TBC1D1: variants seen among roughly 807,000 people sequenced by gnomAD.
TBC1D1 encodes TBC1 domain family member 1, also known as TBC1 (tre-2/USP6, BUB2, cdc16) domain family, member 1.
TBC1D1 carries 89 observed loss-of-function variants against 125.6 expected under a neutral mutation model. The observed-to-expected ratio is 0.71, with a 90% CI of 0.60 to 0.85. The LOEUF is 0.85. TBC1D1 is among the 40% of genes least tolerant of loss of function. The pLI, the probability that TBC1D1 is intolerant of heterozygous loss-of-function variation, is 0.00. For synonymous variants in TBC1D1, 565 were observed against 564.1 expected (o/e 1.00, Z -0.02); for missense variants, 1,377 against 1,469.2 (o/e 0.94, Z 1.03).
At chr4:37,914,104 G>A (rs1022618013) in intron 2 of TBC1D1, among the ~76,000 whole-genome samples, 1 of 151,886 alleles carries the variant, frequency 6.6e-6, no homozygotes, top group South Asian at 2.1e-4. Context: ...TGAGAACTTG[G>A]TCTCCTACAT....
At chr4:38,110,328 G>A in intron 15 of TBC1D1, 2 of 982,808 alleles carry the variant, frequency 2.0e-6, no homozygotes, top group Non-Finnish European at 2.4e-6. Flanking sequence ...GCTGCTTATT[G>A]AGTTTCTGAT....
intron 12 of TBC1D1, among the ~76,000 whole-genome samples, chr4:38,078,546 T>C (rs992706227): frequency 5.9e-5 from 9 of 152,118 alleles, no homozygotes; most frequent in Admixed American, 2.6e-4. Flanking sequence ...TTAGATGAGA[T>C]TGTGTGAGTG....
At position 38,124,115 on chromosome 4, in the gene TBC1D1, TG is replaced by T. The variant is rs1274265943; in HGVS notation, c.2963-846del. Reference sequence around the variant, plus strand: ...ATATTTCTACTCTGATTTTTAAAATTGTTTTTTTCTTATATTATTATTCTAG... The same window carrying T: ...ATATTTCTACTCTGATTTTTAAAATTTTTTTTTCTTATATTATTATTCTAG... On this transcript the variant is annotated intron_variant, in intron 17 of 19. Transcript: ENST00000261439. Among the ~76,000 whole-genome samples, 29 of 152,360 alleles carry T rather than the reference TG, an allele frequency of 1.9e-4. No individual in the cohort carries two copies. In the South Asian group the frequency reaches 3.7e-3, roughly 20 times the overall value.
intron 2 of TBC1D1, among the ~76,000 whole-genome samples, chr4:37,910,703 ATAGT>A (rs1262947331): frequency 2.6e-5 from 4 of 152,136 alleles, no homozygotes; most frequent in Admixed American, 6.5e-5. Flanking sequence ...ACAAAAAAAA[ATAGT>A]TAGAAGAATA....
rs1560756787 is a variant in TBC1D1, at chr4:38,083,735, C to G, written c.2051-6197C>G. Among the ~76,000 whole-genome samples, 3 of 152,282 alleles carry G rather than the reference C, an allele frequency of 2.0e-5. No homozygotes were observed. The Middle Eastern group carries it at 0.01, about 518-fold the overall frequency. ...CAGGTTCAATCCCAGATACCTGGCT[C>G]CAGGGCCCATGCTCTTGACCTTATA... On this transcript the variant is annotated intron_variant, in intron 12 of 19. Transcript: ENST00000261439.
rs149019765 is a variant in TBC1D1, at chr4:37,893,347, T to C, written c.-94+1999T>C. Among the ~76,000 whole-genome samples, 411 of 152,306 alleles carry C rather than the reference T, an allele frequency of 2.7e-3. 1 individual carries two copies. The highest frequency in any genetic ancestry group is 9.3e-3 in the African/African-American group (386 of 41,564). On this transcript the variant is annotated intron_variant, in intron 1 of 19. Coordinates refer to ENST00000261439, the MANE Select transcript of TBC1D1 (RefSeq NM_015173.4). ...GGACTGAAAATGTATCACGGCCCAT[T>C]TGGGGACTTCCTGTATATGTGTGGG...
At chr4:38,036,476 GATGTACAAGTT>G (rs1747229410) in intron 8 of TBC1D1, among the ~76,000 whole-genome samples, 1 of 152,222 alleles carries the variant, frequency 6.6e-6, no homozygotes, top group Non-Finnish European at 1.5e-5. Flanking sequence ...ATCAGTGAAG[GATGTACAAGTT>G]TCTCAGTTTC....
intron 15 of TBC1D1, among the ~76,000 whole-genome samples, chr4:38,114,805 A>G (rs1309196474): frequency 2.0e-5 from 3 of 152,030 alleles, no homozygotes. Flanking sequence ...TCTTTTTGGA[A>G]GGTAACTTTT....
intron 2 of TBC1D1, among the ~76,000 whole-genome samples, chr4:37,914,733 C>T (rs115398168): frequency 4.6e-5 from 7 of 152,328 alleles, no homozygotes; most frequent in South Asian, 2.1e-4. Context: ...ACACCCTTCC[C>T]GTTGCTCTCT....
At chr4:37,926,284 G>C (rs2890590) in intron 2 of TBC1D1, among the ~76,000 whole-genome samples, 76,876 of 152,000 alleles carry the variant, frequency 0.51, 20,119 homozygotes, top group East Asian at 0.82. Context: ...CTTTCTGCCT[G>C]CCGTCACTTT....
chr4:38,006,624 A>T (rs527509502), intron 2 of TBC1D1, among the ~76,000 whole-genome samples: 3 of 151,822 alleles, frequency 2.0e-5, no homozygotes, highest in Admixed American at 1.3e-4. Context: ...GACTACAGGC[A>T]TGTGCCACCA....
At chr4:38,022,490 C>T (rs188728803) in intron 6 of TBC1D1, among the ~76,000 whole-genome samples, 66 of 152,324 alleles carry the variant, frequency 4.3e-4, no homozygotes, top group African/African-American at 1.5e-3. Flanking sequence ...TACCTGCCAC[C>T]AACCATTTCC....
intron 12 of TBC1D1, among the ~76,000 whole-genome samples, chr4:38,085,930 C>T (rs1484230871): frequency 6.6e-6 from 1 of 152,240 alleles, no homozygotes; most frequent in African/African-American, 2.4e-5. Flanking sequence ...TCTCTCAAGA[C>T]TGCACACGCC....
chr4:37,951,379 C>T (rs1317562657), intron 2 of TBC1D1, among the ~76,000 whole-genome samples: 1 of 152,158 alleles, frequency 6.6e-6, no homozygotes, highest in African/African-American at 2.4e-5. Context: ...ATTCTCTCTA[C>T]TTTCCTATTT....
chr4:38,044,433 G>A lies in TBC1D1; in HGVS notation c.1485G>A (p.Met495Ile), dbSNP rs1749018776. The A allele has an allele frequency of 6.2e-7, 1 of 1,613,568 alleles. No individual in the cohort carries two copies. Among genetic ancestry groups the A allele is most frequent in the South Asian group, 1.1e-5 (1 of 90,930 alleles). Residue 495 changes from methionine to isoleucine, a missense_variant, in exon 9 of 20, where the codon ATG becomes ATA. Physicochemically the swap from Met to Ile is conservative, Grantham distance 10 (BLOSUM62 1). This residue lies in a region of TBC1D1 where 822 missense variants were observed against 824.6 expected (regional missense o/e 1.00). Coordinates refer to ENST00000261439, the MANE Select transcript of TBC1D1 (RefSeq NM_015173.4). Reference sequence around the variant, plus strand: ...GTGCCACTCGATTTAGGCTAGATATGCTGAAAAACAAAGCAAAGAGATCTT... The same window carrying A: ...GTGCCACTCGATTTAGGCTAGATATACTGAAAAACAAAGCAAAGAGATCTT...
chr4:37,961,052 A>G, intron 2 of TBC1D1: 1 of 1,604,322 alleles, frequency 6.2e-7, no homozygotes, highest in Non-Finnish European at 8.5e-7. Context: ...TAAATTTCTT[A>G]GTGCTTTGGA....
intron 17 of TBC1D1, among the ~76,000 whole-genome samples, chr4:38,121,054 T>C (rs915381677): frequency 1.3e-5 from 2 of 152,198 alleles, no homozygotes; most frequent in African/African-American, 2.4e-5. Flanking sequence ...AACAAGATTG[T>C]TTCTGTGGCC....
intron 12 of TBC1D1, among the ~76,000 whole-genome samples, chr4:38,071,489 A>G (rs1039417181): frequency 4.6e-5 from 7 of 152,242 alleles, no homozygotes. Context: ...TACTCATCCT[A>G]TACAATTAAA....
intron 2 of TBC1D1, among the ~76,000 whole-genome samples, chr4:37,992,601 T>A (rs1736840923): frequency 6.7e-6 from 1 of 150,230 alleles, no homozygotes; most frequent in Non-Finnish European, 1.5e-5. Flanking sequence ...TTCACGCCAT[T>A]CTCCTGCCTC....
Sources: gnomAD v4.1 joint callset for allele counts (sites outside exome capture counted in the v4.1 genomes callset) on GRCh38, gnomAD v4.1.1 for gene constraint, gnomAD v4.1.1 regional missense constraint, MANE v1.5 for transcripts, NCBI Gene and HGNC (gene_info 2026-07-23, HGNC 2026-07-21) for gene names.